Variants in FBXO11 observed in about 807,000 individuals in gnomAD.
FBXO11 encodes F-box only protein 11.
FBXO11 carries 13 observed loss-of-function variants against 117.0 expected under a neutral mutation model. The observed-to-expected ratio is 0.11, with a 90% CI of 0.07 to 0.18. FBXO11 has a LOEUF of 0.18. FBXO11 is among the 10% of genes least tolerant of loss of function. The pLI is 1.00. For missense variants in FBXO11, 767 were observed against 1,164.4 expected (o/e 0.66, Z 4.97); for synonymous variants, 490 against 380.5 (o/e 1.29, Z -3.35).
chr2:47,893,177 A>ACT (rs1677391929), intron 1 of FBXO11, among the ~76,000 whole-genome samples: 1 of 152,010 alleles, frequency 6.6e-6, no homozygotes, highest in Non-Finnish European at 1.5e-5. Context: ...TAAATAAATA[A>ACT]ATAAATAAAT....
At chr2:47,810,121 T>C (rs915000524) in intron 19 of FBXO11, 195 bp downstream of exon 19, 1 of 530,344 alleles carries the variant, frequency 1.9e-6, no homozygotes, top group South Asian at 2.9e-5. Context: ...AAGAGCAATA[T>C]TTCTTAGGAG....
At chr2:47,881,369 T>G (rs1404628911) in intron 1 of FBXO11, among the ~76,000 whole-genome samples, 1 of 152,236 alleles carries the variant, frequency 6.6e-6, no homozygotes, top group Non-Finnish European at 1.5e-5. Flanking sequence ...GGTTTGTAGT[T>G]CTTTCAATAT....
intron 1 of FBXO11, among the ~76,000 whole-genome samples, chr2:47,898,834 G>C (rs1677874105): frequency 6.6e-6 from 1 of 151,928 alleles, no homozygotes; most frequent in Non-Finnish European, 1.5e-5. Flanking sequence ...ATGTATTTTG[G>C]TATCTTTCCT....
chr2:47,851,541 T>C (rs1303391188), intron 1 of FBXO11, among the ~76,000 whole-genome samples: 2 of 152,160 alleles, frequency 1.3e-5, no homozygotes, highest in African/African-American at 4.8e-5. Flanking sequence ...AATTTTCATC[T>C]GTTTGCTAGT....
chr2:47,856,271 G>C (rs1390341737), intron 1 of FBXO11, among the ~76,000 whole-genome samples: 2 of 152,104 alleles, frequency 1.3e-5, no homozygotes, highest in Non-Finnish European at 1.5e-5. Flanking sequence ...GACACACAGA[G>C]ACTTATAAAG....
intron 11 of FBXO11, among the ~76,000 whole-genome samples, chr2:47,826,440 G>A (rs1049625920): frequency 5.9e-5 from 9 of 152,054 alleles, no homozygotes; most frequent in African/African-American, 2.2e-4. Context: ...TCTTTTAGCT[G>A]ATTCTTTTGA....
At chr2:47,825,555 AT>A (rs909181495) in intron 11 of FBXO11, among the ~76,000 whole-genome samples, 5 of 121,864 alleles carry the variant, frequency 4.1e-5, no homozygotes, top group African/African-American at 1.2e-4. Context: ...TGTCTGGTGG[AT>A]TTTTTCTTCT....
At chr2:47,896,906 T>C (rs537934646) in intron 1 of FBXO11, among the ~76,000 whole-genome samples, 3 of 152,346 alleles carry the variant, frequency 2.0e-5, no homozygotes, top group South Asian at 2.1e-4. Context: ...CCAACTTCTA[T>C]TTCTCTCAAC....
At chr2:47,838,479 G>C (rs1312329987) in intron 4 of FBXO11, among the ~76,000 whole-genome samples, 1 of 152,104 alleles carries the variant, frequency 6.6e-6, no homozygotes, top group Non-Finnish European at 1.5e-5. Context: ...CAAAGGGCAT[G>C]AATTATTTAA....
At chr2:47,838,809 G>C in intron 4 of FBXO11, 50 bp downstream of exon 4, 7 of 1,550,248 alleles carry the variant, frequency 4.5e-6, no homozygotes, top group Non-Finnish European at 6.2e-6. Flanking sequence ...TTAGCATTTT[G>C]GGCAACAAAT....
chr2:47,832,097 C>T (rs1451027845), intron 11 of FBXO11, among the ~76,000 whole-genome samples: 4 of 152,110 alleles, frequency 2.6e-5, no homozygotes, highest in Admixed American at 6.6e-5. Flanking sequence ...ACTTAATTAA[C>T]GAGTTATACC....
At chr2:47,853,857 C>A (rs1249523472) in intron 1 of FBXO11, among the ~76,000 whole-genome samples, 1 of 152,096 alleles carries the variant, frequency 6.6e-6, no homozygotes, top group African/African-American at 2.4e-5. Flanking sequence ...AAAAGTTATC[C>A]AATTTCATCT....
intron 1 of FBXO11, among the ~76,000 whole-genome samples, chr2:47,851,765 T>G (rs1325992945): frequency 6.6e-6 from 1 of 152,184 alleles, no homozygotes; most frequent in Non-Finnish European, 1.5e-5. Flanking sequence ...ATTTAGAAAT[T>G]TCTAGAAATG....
At chr2:47,854,810 A>G (rs900867286) in intron 1 of FBXO11, among the ~76,000 whole-genome samples, 1 of 151,888 alleles carries the variant, frequency 6.6e-6, no homozygotes, top group Non-Finnish European at 1.5e-5. Flanking sequence ...AGTCAAAGAA[A>G]AGTCTTTGAA....
chr2:47,866,157 GA>G lies in FBXO11; in HGVS notation c.233-26389del, dbSNP rs1675177407. The stretch of plus-strand genomic sequence containing the variant: ...GCTACTTGAAAGGCTGAAGCAGGAG[GA>G]ACTCCTGAGCCCAGGAGTTTGAGGC... On this transcript the variant is annotated intron_variant, in intron 1 of 22. Transcript: ENST00000403359. 2.0e-5 allele frequency among the ~76,000 whole-genome samples: 3 copies of G among 148,892 alleles called. 1 individual carries two copies. The South Asian group carries it at 6.3e-4, about 32-fold the overall frequency.
In FBXO11 at chr2:47,871,336, C is replaced by T. The variant is rs889255872; in HGVS notation, c.233-31567G>A. ...CACTGAAGCCTCTTGCCAACAGCTA[C>T]GTGAATGAGACATCCTGAAAGCACA... is the stretch of plus-strand genomic sequence containing the variant. On this transcript the variant is annotated intron_variant, in intron 1 of 22. Coordinates refer to ENST00000403359, the MANE Select transcript of FBXO11 (RefSeq NM_001190274.2). Among the ~76,000 whole-genome samples, 4 of 152,184 alleles carry T rather than the reference C, an allele frequency of 2.6e-5. 1 individual carries two copies. In the South Asian group the frequency reaches 6.2e-4, roughly 24 times the overall value.
chr2:47,832,806 A>C lies in FBXO11; in HGVS notation c.1116T>G (p.Pro372=). 5 of 1,613,918 alleles carry C rather than the reference A, an allele frequency of 3.1e-6. No individual in the cohort carries two copies. Among genetic ancestry groups the C allele is most frequent in the Non-Finnish European group, 4.2e-6 (5 of 1,179,784 alleles). Residue 372 remains proline (P), a synonymous_variant, in exon 9 of 23, where the codon CCT becomes CCG. Coordinates refer to ENST00000403359, the MANE Select transcript of FBXO11 (RefSeq NM_001190274.2). ...TTCGGATGATACAGTGATCAATAAT[A>C]GGGCTACAATTTACTGTAATCTCTA... is the stretch of plus-strand genomic sequence containing the variant. The part of the protein sequence containing the change: ...HCLEITVNCS[P]IIDHCIIRST...
At chr2:47,864,374 G>A (rs561431246) in intron 1 of FBXO11, among the ~76,000 whole-genome samples, 1 of 152,150 alleles carries the variant, frequency 6.6e-6, no homozygotes. Flanking sequence ...GATCACCTGA[G>A]GTCAGGAGTT....
intron 1 of FBXO11, among the ~76,000 whole-genome samples, chr2:47,885,786 G>T (rs1297664085): frequency 6.6e-6 from 1 of 152,078 alleles, no homozygotes; most frequent in Non-Finnish European, 1.5e-5. Flanking sequence ...TGACAACAAA[G>T]TAAAATTCTG....
Sources: gnomAD v4.1 joint callset for allele counts (sites outside exome capture counted in the v4.1 genomes callset) on GRCh38, gnomAD v4.1.1 for gene constraint, MANE v1.5 for transcripts, NCBI Gene and HGNC (gene_info 2026-07-23, HGNC 2026-07-21) for gene names.